Variants in TMX2 observed in about 807,000 individuals in gnomAD.
TMX2 encodes the protein thioredoxin-related transmembrane protein 2.
A neutral mutation model predicts 33.4 loss-of-function variants in TMX2; 20 were observed. That is an observed-to-expected ratio of 0.60 (90% confidence interval 0.42 to 0.87). The LOEUF (loss-of-function observed/expected upper bound fraction) is 0.87. TMX2 is among the 40% of genes least tolerant of loss of function. The pLI is 0.00. For missense variants in TMX2, 340 were observed against 370.7 expected (o/e 0.92, Z 0.68); for synonymous variants, 166 against 140.7 (o/e 1.18, Z -1.27).
chr11:57,716,630 CCCT>C (rs1429777854), intron 1 of TMX2, among the ~76,000 whole-genome samples: 2 of 138,692 alleles, frequency 1.4e-5, no homozygotes, highest in African/African-American at 5.4e-5. Context: ...CCCCCCACCT[CCCT>C]CCCGGACGGG....
At chr11:57,735,582 G>C (rs1471493382) in intron 1 of TMX2, among the ~76,000 whole-genome samples, 1 of 152,128 alleles carries the variant, frequency 6.6e-6, no homozygotes, top group South Asian at 2.1e-4. Context: ...CATAGCCTCC[G>C]CTCAGAAGCT....
chr11:57,721,314 A>G (rs573346718), intron 1 of TMX2, among the ~76,000 whole-genome samples: 1 of 150,896 alleles, frequency 6.6e-6, no homozygotes, highest in Admixed American at 6.6e-5. Flanking sequence ...TCAATCAATC[A>G]ATCAATGTTT....
chr11:57,739,954 C>T (rs992428915), intron 7 of TMX2, 145 bp from the exon 8 acceptor site: 15 of 1,064,542 alleles, frequency 1.4e-5, no homozygotes, highest in African/African-American at 3.2e-5. Context: ...TTTCTGGGTA[C>T]CTAAAAAAGA....
intron 1 of TMX2, among the ~76,000 whole-genome samples, chr11:57,736,114 C>G (rs1948736936): frequency 6.6e-6 from 1 of 152,146 alleles, no homozygotes; most frequent in South Asian, 2.1e-4. Flanking sequence ...TTCAAGGTTT[C>G]TCTGGGGTCC....
intron 1 of TMX2, among the ~76,000 whole-genome samples, chr11:57,720,883 T>C (rs1406918730): frequency 6.6e-6 from 1 of 152,204 alleles, no homozygotes; most frequent in African/African-American, 2.4e-5. Context: ...AACAAGCAGT[T>C]TGAGTGTACA....
chr11:57,724,069 T>TA (rs919678649), intron 1 of TMX2, among the ~76,000 whole-genome samples: 4 of 151,716 alleles, frequency 2.6e-5, no homozygotes, highest in Middle Eastern at 3.4e-3. Flanking sequence ...CTTCTTTTTT[T>TA]AAAAAAAACT....
At chr11:57,723,512 A>G (rs890910695) in intron 1 of TMX2, among the ~76,000 whole-genome samples, 20 of 150,248 alleles carry the variant, frequency 1.3e-4, no homozygotes, top group Non-Finnish European at 1.9e-4. Flanking sequence ...CAAAAAAAAA[A>G]AAAGAAAGAA....
chr11:57,731,362 G>A (rs1192163078), intron 1 of TMX2, among the ~76,000 whole-genome samples: 1 of 148,742 alleles, frequency 6.7e-6, no homozygotes, highest in Non-Finnish European at 1.5e-5. Flanking sequence ...TTGAACTCCT[G>A]ACATCAGGTG....
At chr11:57,738,288 G>A in intron 3 of TMX2, 66 bp from the exon 4 acceptor site, 1 of 1,241,494 alleles carries the variant, frequency 8.1e-7, no homozygotes, top group Non-Finnish European at 1.2e-6. Context: ...CCTTGGGTTG[G>A]TTTGGAAGTA....
chr11:57,726,591 A>G (rs1363305040), intron 1 of TMX2, among the ~76,000 whole-genome samples: 2 of 152,216 alleles, frequency 1.3e-5, no homozygotes, highest in Admixed American at 1.3e-4. Flanking sequence ...GCCCTCAGCC[A>G]TAGGGAGTCC....
chr11:57,739,772 C>A (rs1555024069), intron 7 of TMX2, among the ~76,000 whole-genome samples: 3 of 152,008 alleles, frequency 2.0e-5, no homozygotes, highest in Non-Finnish European at 4.4e-5. Context: ...AAAAAAGATT[C>A]TGTCTCGAAG....
chr11:57,716,960 G>A (rs1374596585), intron 1 of TMX2, among the ~76,000 whole-genome samples: 1 of 150,944 alleles, frequency 6.6e-6, no homozygotes, highest in Non-Finnish European at 1.5e-5. Flanking sequence ...GCGGATGCTG[G>A]GCGGAGGGTC....
chr11:57,715,581 G>GTTTTGTTT (rs1355236642), intron 1 of TMX2, among the ~76,000 whole-genome samples: 3 of 82,972 alleles, frequency 3.6e-5, no homozygotes, highest in African/African-American at 1.6e-4. Flanking sequence ...CTTAGAATTT[G>GTTTTGTTT]TTTTCTTTTT....
rs753219904 is a variant in TMX2, at chr11:57,740,232, A to G, written c.878A>G (p.Lys293Arg). The G allele has an allele frequency of 6.2e-7, 1 of 1,603,818 alleles. No individual in the cohort carries two copies. Among genetic ancestry groups the G allele is most frequent in the Admixed American group, 1.7e-5 (1 of 57,390 alleles). Residue 293 changes from lysine to arginine, a missense_variant, in exon 8 of 8, where the codon AAG (lysine) becomes AGG (arginine). Lys to Arg is a conservative substitution (Grantham distance 26). Coordinates refer to ENST00000278422, the MANE Select transcript of TMX2 (RefSeq NM_015959.4). The part of the protein sequence containing the change: ...TPTTVSDGEN[K>R]KDK ...ACCACAGTGTCAGATGGGGAAAACA[A>G]GAAGGATAAATAAGATCCTCACTTT...
chr11:57,731,956 T>G (rs1948436331), intron 1 of TMX2, among the ~76,000 whole-genome samples: 1 of 152,168 alleles, frequency 6.6e-6, no homozygotes, highest in African/African-American at 2.4e-5. Context: ...AAGACTATTT[T>G]GGGGAGAAAA....
chr11:57,724,453 G>C (rs1438823581), intron 1 of TMX2, among the ~76,000 whole-genome samples: 9 of 152,112 alleles, frequency 5.9e-5, no homozygotes, highest in African/African-American at 2.2e-4. Context: ...AAATTTGGAG[G>C]TTAAGAGGGC....
chr11:57,721,318 A>G (rs894129937), intron 1 of TMX2, among the ~76,000 whole-genome samples: 1 of 150,084 alleles, frequency 6.7e-6, no homozygotes, highest in African/African-American at 2.4e-5. Flanking sequence ...TCAATCAATC[A>G]ATGTTTTATT....
chr11:57,739,115 T>G lies in TMX2; in HGVS notation c.615-16T>G. On this transcript the variant is annotated splice_polypyrimidine_tract_variant and intron_variant, in intron 6 of 7. Coordinates refer to ENST00000278422, the MANE Select transcript of TMX2 (RefSeq NM_015959.4). Reference sequence around the variant, plus strand: ...ATACATACAGGGACATTTAGAGAACTTTCTGGGCCCTGCAGGTACAAAGTG... The same window carrying G: ...ATACATACAGGGACATTTAGAGAACGTTCTGGGCCCTGCAGGTACAAAGTG... 1 of 1,614,114 alleles carries G rather than the reference T, an allele frequency of 6.2e-7. No individual in the cohort carries two copies. Among genetic ancestry groups the G allele is most frequent in the African/African-American group, 1.3e-5 (1 of 75,022 alleles).
At chr11:57,722,416 AT>A (rs1243791260) in intron 1 of TMX2, among the ~76,000 whole-genome samples, 2 of 152,248 alleles carry the variant, frequency 1.3e-5, no homozygotes, top group Non-Finnish European at 2.9e-5. Context: ...GCCTTGAAAG[AT>A]GGCTCTCTCC....
Sources: allele counts gnomAD v4.1 joint callset (sites outside exome capture counted in the v4.1 genomes callset), GRCh38; gene constraint gnomAD v4.1.1; transcripts MANE v1.5; gene names NCBI Gene and HGNC (gene_info 2026-07-23, HGNC 2026-07-21).